The following ATP6V0D2 variants were observed in gnomAD, a reference collection of about 807,000 sequenced individuals.
ATP6V0D2 encodes V-type proton ATPase subunit d 2.
ATP6V0D2 carries 40 observed loss-of-function variants against 40.0 expected under a neutral mutation model. The ratio of observed to expected loss-of-function variants is 1.00; its 90% CI spans 0.78 to 1.30. The LOEUF (loss-of-function observed/expected upper bound fraction) is 1.30. Ranked by LOEUF, ATP6V0D2 falls within the 50% of genes most tolerant of loss-of-function variation. The pLI is 0.00. For synonymous variants in ATP6V0D2, 179 were observed against 156.3 expected (o/e 1.15, Z -1.08); for missense variants, 470 against 423.1 (o/e 1.11, Z -0.97).
At chr8:86,139,695 T>G in intron 3 of ATP6V0D2, 60 bp downstream of exon 3, 1 of 1,479,558 alleles carries the variant, frequency 6.8e-7, no homozygotes. Context: ...CATTAGAAAA[T>G]GTACTATTTT....
At chr8:86,108,477 G>A (rs1818495754) in intron 1 of ATP6V0D2, among the ~76,000 whole-genome samples, 1 of 152,170 alleles carries the variant, frequency 6.6e-6, no homozygotes, top group Non-Finnish European at 1.5e-5. Flanking sequence ...TGAAAGCGTA[G>A]ACTATATCCA....
chr8:86,153,135 T>C lies in ATP6V0D2; in HGVS notation c.*158T>C, dbSNP rs1287396841. ...CCATGGAAACACAGTAAACCAGCCC[T>C]GAAACAAAGCATTTCCTTGTTTTCA... On this transcript the variant is annotated 3_prime_UTR_variant, in exon 8 of 8. Transcript: ENST00000285393. 5.7e-6 allele frequency: 3 copies of C among 523,514 alleles called. No homozygotes were observed. Among genetic ancestry groups the C allele is most frequent in the Non-Finnish European group, 6.2e-6 (2 of 320,232 alleles). 32.4% of individuals were successfully genotyped at this position (523,514 alleles called of 1,614,324 possible).
chr8:86,130,629 G>A (rs916399739), intron 2 of ATP6V0D2, among the ~76,000 whole-genome samples: 1 of 152,102 alleles, frequency 6.6e-6, no homozygotes, highest in Non-Finnish European at 1.5e-5. Flanking sequence ...CAGAATTCAA[G>A]TTCCAGGAAG....
chr8:86,139,759 A>G (rs899031116), intron 3 of ATP6V0D2, 124 bp downstream of exon 3: 14 of 1,032,878 alleles, frequency 1.4e-5, no homozygotes, highest in Non-Finnish European at 1.7e-5. Context: ...ATTTTTTTCC[A>G]TGAATACAGT....
chr8:86,105,847 C>T (rs1818465058), intron 1 of ATP6V0D2, among the ~76,000 whole-genome samples: 2 of 151,948 alleles, frequency 1.3e-5, no homozygotes, highest in Non-Finnish European at 2.9e-5. Context: ...ATCTCCTGAC[C>T]TCGTGATCTG....
chr8:86,118,029 T>TCTTTC (rs200578728), intron 2 of ATP6V0D2, among the ~76,000 whole-genome samples: 2 of 150,034 alleles, frequency 1.3e-5, no homozygotes, highest in South Asian at 2.2e-4. Flanking sequence ...TTTCTTTCTT[T>TCTTTC]TTTTTTCTTT....
chr8:86,098,946 T>C lies in ATP6V0D2; in HGVS notation c.-33T>C, dbSNP rs771830686. 91 of 1,608,716 alleles carry C rather than the reference T, an allele frequency of 5.7e-5. No homozygotes were observed. The Admixed American group carries it at 1.5e-3, about 27-fold the overall frequency. ...GGGGCCGTCCAGGACTACAGAGCTG[T>C]TTCACCCTACCTTGGCTTCAATCTC... On this transcript the variant is annotated 5_prime_UTR_variant, in exon 1 of 8. Transcript: ENST00000285393.
chr8:86,141,333 C>T, intron 3 of ATP6V0D2, 117 bp from the exon 4 acceptor site: 1 of 640,714 alleles, frequency 1.6e-6, no homozygotes, highest in Non-Finnish European at 2.7e-6. Flanking sequence ...GTATGGATTG[C>T]AACTCTGCAG....
chr8:86,099,069 C>T lies in ATP6V0D2; in HGVS notation c.91C>T (p.Gln31Ter). 1 of 1,612,470 alleles carries T rather than the reference C, an allele frequency of 6.2e-7. No individual in the cohort carries two copies. Among genetic ancestry groups the T allele is most frequent in the Non-Finnish European group, 8.5e-7 (1 of 1,179,760 alleles). The part of the protein sequence containing the change: ...RGCKASLLTQ[Q>*]DYINLVQCET... ...ATGCAAGGCCAGCCTCCTGACCCAG[C>T]AAGACTATATCAACCTGGTCCAGTG... Residue 31 changes from glutamine to a stop codon, truncating the protein, a stop_gained, in exon 1 of 8, where the codon CAA becomes TAA. Transcript: ENST00000285393. LOFTEE classifies it high-confidence loss of function.
chr8:86,129,762 C>T (rs1485759311), intron 2 of ATP6V0D2, among the ~76,000 whole-genome samples: 1 of 151,218 alleles, frequency 6.6e-6, no homozygotes, highest in Non-Finnish European at 1.5e-5. Flanking sequence ...GAGATCGTGC[C>T]ACTGCACTCC....
intron 2 of ATP6V0D2, among the ~76,000 whole-genome samples, chr8:86,135,627 A>G (rs1818886197): frequency 6.6e-6 from 1 of 152,206 alleles, no homozygotes; most frequent in South Asian, 2.1e-4. Context: ...AAGAATCAGC[A>G]TTTAAAGATT....
intron 2 of ATP6V0D2, among the ~76,000 whole-genome samples, chr8:86,115,389 G>A (rs1386192848): frequency 2.0e-5 from 1 of 50,900 alleles, no homozygotes; most frequent in East Asian, 7.9e-4. Flanking sequence ...TTTTTTTTGA[G>A]ACTGAGTCTC....
chr8:86,139,776 C>G, intron 3 of ATP6V0D2, 141 bp downstream of exon 3: 1 of 811,426 alleles, frequency 1.2e-6, no homozygotes, highest in Non-Finnish European at 1.9e-6. Flanking sequence ...CAGTAGCATA[C>G]CATGCAGATT....
At chr8:86,113,661 T>A in intron 1 of ATP6V0D2, 48 bp from the exon 2 acceptor site, 1 of 1,501,694 alleles carries the variant, frequency 6.7e-7, no homozygotes, top group Non-Finnish European at 9.0e-7. Context: ...AAAAGCTATT[T>A]GTGTATGTTC....
chr8:86,105,625 T>TTTC (rs1275083422), intron 1 of ATP6V0D2, among the ~76,000 whole-genome samples: 2 of 145,374 alleles, frequency 1.4e-5, no homozygotes, highest in South Asian at 4.5e-4. Flanking sequence ...TCTTTTCTTT[T>TTTC]TTTTTTTTTT....
intron 2 of ATP6V0D2, among the ~76,000 whole-genome samples, chr8:86,128,345 A>G (rs1563561123): frequency 6.7e-6 from 1 of 148,810 alleles, no homozygotes; most frequent in Non-Finnish European, 1.5e-5. Context: ...GTGAAACTCC[A>G]TCTCAAAATA....
At chr8:86,101,481 A>AAAAAG (rs1563553846) in intron 1 of ATP6V0D2, among the ~76,000 whole-genome samples, 2 of 151,146 alleles carry the variant, frequency 1.3e-5, no homozygotes, top group African/African-American at 4.9e-5. Context: ...AAAAAAAAAA[A>AAAAAG]AAAAGAATTC....
rs1423231793 is a variant in ATP6V0D2, at chr8:86,153,662, T to C, written c.*685T>C. 1 of 152,228 alleles carries C rather than the reference T, an allele frequency of 6.6e-6. No individual in the cohort carries two copies. Among genetic ancestry groups the C allele is most frequent in the African/African-American group, 2.4e-5 (1 of 41,428 alleles). The allele number at this position is 152,228 out of a possible 1,614,324, so 9.4% of individuals were successfully genotyped here. On this transcript the variant is annotated 3_prime_UTR_variant, in exon 8 of 8. Transcript: ENST00000285393. ...GCATGAGCCACTGTGCTGGGCTTCATTTACATTTTAACTGTCTGTTCCTTG... is the reference window on the plus strand; with the variant it reads ...GCATGAGCCACTGTGCTGGGCTTCACTTACATTTTAACTGTCTGTTCCTTG...
chr8:86,141,367 G>A lies in ATP6V0D2; in HGVS notation c.482-83G>A. 5.4e-6 allele frequency: 5 copies of A among 928,976 alleles called. No individual in the cohort carries two copies. The South Asian group carries it at 6.0e-5, about 11-fold the overall frequency. 57.5% of individuals were successfully genotyped at this position (928,976 alleles called of 1,614,324 possible). On this transcript the variant is annotated intron_variant, in intron 3 of 7. Coordinates refer to ENST00000285393, the MANE Select transcript of ATP6V0D2 (RefSeq NM_152565.1). ...AGTGTTCTTGTCAGGAGTGAGCAGA[G>A]GGTGGTGTGTTCAGGATACGTTTTC...
Sources: gnomAD v4.1 joint callset for allele counts (sites outside exome capture counted in the v4.1 genomes callset) on GRCh38, gnomAD v4.1.1 for gene constraint, MANE v1.5 for transcripts, NCBI Gene and HGNC (gene_info 2026-07-23, HGNC 2026-07-21) for gene names.